The following SAMD5 variants were observed in gnomAD, a reference collection of about 807,000 sequenced individuals.
SAMD5 encodes sterile alpha motif domain-containing protein 5.
In SAMD5, 13 loss-of-function variants were observed where a neutral mutation model predicts 11.3. The observed-to-expected ratio is 1.15, with a 90% CI of 0.75 to 1.83. The LOEUF (loss-of-function observed/expected upper bound fraction) is 1.83. Ranked by LOEUF, SAMD5 falls within the 40% of genes most tolerant of loss-of-function variation. The pLI, the probability that SAMD5 is intolerant of heterozygous loss-of-function variation, is 0.00. For synonymous variants in SAMD5, 129 were observed against 111.3 expected (o/e 1.16, Z -1.00); for missense variants, 255 against 239.1 (o/e 1.07, Z -0.44).
chr6:147,764,192 G>A, the SAMD5 span, among the ~76,000 whole-genome samples: 1 of 152,148 alleles, frequency 6.6e-6, no homozygotes, highest in African/African-American at 2.4e-5. Flanking sequence ...ACAGATTTCT[G>A]ATTGTAAATA....
Position 147,680,741 on chromosome 6 carries a change from A to AT in SAMD5, c.163-56570dup, listed in dbSNP as rs537708587. ...GAACGGATACTGGATTCTGTCAAAT[A>AT]TTTTTTCTGAATCTACATTGTTGGT... On this transcript the variant is annotated intron_variant, in intron 1 of 1. Coordinates refer to the SAMD5 transcript ENST00000566741. Among the ~76,000 whole-genome samples, 8 of 152,044 alleles carry AT rather than the reference A, an allele frequency of 5.3e-5. 1 individual carries two copies. In the South Asian group the frequency reaches 1.5e-3, roughly 28 times the overall value.
chr6:147,565,145 T>C lies in SAMD5; in HGVS notation c.*689T>C. ...GGCTGAGGTTTAGTATTAGGACTAATACAAGTGTCTTGCTCTGACATGCAT... is the reference window on the plus strand; with the variant it reads ...GGCTGAGGTTTAGTATTAGGACTAACACAAGTGTCTTGCTCTGACATGCAT... On this transcript the variant is annotated 3_prime_UTR_variant, in exon 2 of 2. Transcript: ENST00000367474. The C allele has an allele frequency of 2.0e-6, 2 of 985,564 alleles. No individual in the cohort carries two copies. Among genetic ancestry groups the C allele is most frequent in the South Asian group, 9.4e-5 (2 of 21,292 alleles). 61.1% of individuals were successfully genotyped at this position (985,564 alleles called of 1,614,324 possible).
chr6:147,630,880 C>T (rs560536996), intron 1 of SAMD5, among the ~76,000 whole-genome samples: 4 of 152,160 alleles, frequency 2.6e-5, no homozygotes, highest in Admixed American at 6.5e-5. Flanking sequence ...AAAACTCCAG[C>T]GCCAGTGATG....
intron 1 of SAMD5, among the ~76,000 whole-genome samples, chr6:147,575,049 T>C (rs1346469426): frequency 2.0e-5 from 3 of 152,266 alleles, no homozygotes; most frequent in Non-Finnish European, 4.4e-5. Context: ...AACTTACTGA[T>C]AGAGTTATCT....
chr6:147,802,680 C>A, the SAMD5 span, among the ~76,000 whole-genome samples: 1,873 of 151,508 alleles, frequency 0.012, 48 homozygotes, highest in African/African-American at 0.042. Flanking sequence ...TGTATAAACA[C>A]ATTGCAGTAT....
chr6:147,921,694 A>T, the SAMD5 span, among the ~76,000 whole-genome samples: 1 of 151,890 alleles, frequency 6.6e-6, no homozygotes. Context: ...GATCGAGGTG[A>T]TTCTGTTTTG....
At chr6:147,701,386 C>T (rs1023434587) in intron 1 of SAMD5, among the ~76,000 whole-genome samples, 2 of 152,130 alleles carry the variant, frequency 1.3e-5, no homozygotes, top group Admixed American at 1.3e-4. Flanking sequence ...ATAATCCCGG[C>T]ACTTTGGGAG....
At chr6:147,558,597 C>A (rs1286511133) in intron 1 of SAMD5, among the ~76,000 whole-genome samples, 2 of 151,670 alleles carry the variant, frequency 1.3e-5, no homozygotes, top group South Asian at 2.1e-4. Context: ...TTTCGAATCT[C>A]CCCCCCGTCC....
At chr6:147,689,236 T>C (rs1275213790) in intron 1 of SAMD5, among the ~76,000 whole-genome samples, 2 of 152,214 alleles carry the variant, frequency 1.3e-5, no homozygotes, top group African/African-American at 2.4e-5. Context: ...GCAGCCAAGG[T>C]ATTCAAGGCC....
In SAMD5 at chr6:147,565,709, C is replaced by T. The variant is rs777515802; in HGVS notation, c.*1253C>T. The T allele has an allele frequency of 6.4e-5, 59 of 918,026 alleles. No individual in the cohort carries two copies. The highest frequency in any genetic ancestry group is 4.7e-4 in the East Asian group (4 of 8,468). The allele number at this position is 918,026 out of a possible 1,614,324, so 56.9% of individuals were successfully genotyped here. On this transcript the variant is annotated 3_prime_UTR_variant, in exon 2 of 2. Coordinates refer to ENST00000367474, the MANE Select transcript of SAMD5 (RefSeq NM_001030060.3). ...TCCTGGCCTCAAATGATCCACTCGC[C>T]GTGGCCTCCAGTAGCGCTGGGATTA...
At chr6:147,944,360 C>A in the SAMD5 span, among the ~76,000 whole-genome samples, 2 of 152,202 alleles carry the variant, frequency 1.3e-5, no homozygotes, top group African/African-American at 4.8e-5. Flanking sequence ...CAAGTCACCT[C>A]TTACACGGAT....
At chr6:147,765,411 A>T in the SAMD5 span, among the ~76,000 whole-genome samples, 1 of 152,226 alleles carries the variant, frequency 6.6e-6, no homozygotes, top group Non-Finnish European at 1.5e-5. Flanking sequence ...GCTTCTATTT[A>T]AAAATGACAG....
intron 1 of SAMD5, among the ~76,000 whole-genome samples, chr6:147,608,048 A>C (rs1789728791): frequency 6.6e-6 from 1 of 152,216 alleles, no homozygotes; most frequent in African/African-American, 2.4e-5. Context: ...GCTTAACATC[A>C]CTGATCATCA....
chr6:147,658,750 A>T (rs1790605254), intron 1 of SAMD5, among the ~76,000 whole-genome samples: 1 of 151,984 alleles, frequency 6.6e-6, no homozygotes, highest in African/African-American at 2.4e-5. Context: ...GCTAAACATG[A>T]ATGGGGATTA....
At chr6:147,665,813 G>GA (rs1390819217) in intron 1 of SAMD5, among the ~76,000 whole-genome samples, 1 of 152,200 alleles carries the variant, frequency 6.6e-6, no homozygotes, top group Non-Finnish European at 1.5e-5. Context: ...GAAAGTCTTA[G>GA]AAATTAATTC....
the SAMD5 span, among the ~76,000 whole-genome samples, chr6:147,807,713 G>A: frequency 5.9e-5 from 9 of 152,150 alleles, no homozygotes; most frequent in Non-Finnish European, 8.8e-5. Context: ...TACAAGCTTA[G>A]ACAATGGGTA....
At chr6:147,558,682 G>A (rs946169746) in intron 1 of SAMD5, among the ~76,000 whole-genome samples, 1 of 151,930 alleles carries the variant, frequency 6.6e-6, no homozygotes, top group Non-Finnish European at 1.5e-5. Context: ...CTGAGAAGTG[G>A]TCCGTGGCAC....
At chr6:147,879,806 C>T in the SAMD5 span, among the ~76,000 whole-genome samples, 1 of 152,142 alleles carries the variant, frequency 6.6e-6, no homozygotes, top group Non-Finnish European at 1.5e-5. Flanking sequence ...TTCTGATTCG[C>T]TGATGGAACG....
chr6:147,850,968 A>G, the SAMD5 span, among the ~76,000 whole-genome samples: 2 of 135,984 alleles, frequency 1.5e-5, no homozygotes, highest in African/African-American at 2.9e-5. Flanking sequence ...TTTTTTTGAG[A>G]CAGAGTCTCT....
Sources: gnomAD v4.1 joint callset for allele counts (sites outside exome capture counted in the v4.1 genomes callset) on GRCh38, gnomAD v4.1.1 for gene constraint, MANE v1.5 for transcripts, NCBI Gene and HGNC (gene_info 2026-07-23, HGNC 2026-07-21) for gene names.